TBC1D15: variants seen among roughly 807,000 people sequenced by gnomAD.
TBC1D15 encodes TBC1 domain family member 15.
TBC1D15 carries 39 observed loss-of-function variants against 95.4 expected under a neutral mutation model. That is an observed-to-expected ratio of 0.41 (90% CI 0.32 to 0.53). The LOEUF (loss-of-function observed/expected upper bound fraction) is 0.53, where lower values mean the gene tolerates loss of function less well. Ranked by LOEUF, TBC1D15 falls within the 20% of genes least tolerant of loss-of-function variation. TBC1D15 has a pLI of 0.29. For missense variants in TBC1D15, 733 were observed against 794.3 expected (o/e 0.92, Z 0.93); for synonymous variants, 258 against 261.3 (o/e 0.99, Z 0.12).
chr12:71,913,316 A>G (rs1471897578), intron 11 of TBC1D15: 1 of 152,332 alleles, frequency 6.6e-6, no homozygotes, highest in East Asian at 1.9e-4. Context: ...GTTGAACCCA[A>G]AGTTCTTGTT....
intron 13 of TBC1D15, 73 bp downstream of exon 13, chr12:71,917,870 T>A (rs1013076144): frequency 2.1e-4 from 217 of 1,033,802 alleles, no homozygotes; most frequent in Admixed American, 3.7e-4. Flanking sequence ...AAAGAACTCT[T>A]TAAAGAAGCC....
chr12:71,859,984 A>G (rs972059946), intron 1 of TBC1D15, among the ~76,000 whole-genome samples: 2 of 152,128 alleles, frequency 1.3e-5, no homozygotes, highest in Non-Finnish European at 2.9e-5. Flanking sequence ...CTGCATATAC[A>G]TACCTAGTTT....
chr12:71,894,336 A>G (rs757029860), intron 6 of TBC1D15: 1 of 1,612,912 alleles, frequency 6.2e-7, no homozygotes, highest in Non-Finnish European at 8.5e-7. Context: ...CAGGACTGCT[A>G]GACAGAAGAA....
intron 4 of TBC1D15, among the ~76,000 whole-genome samples, chr12:71,882,150 G>A (rs10506642): frequency 6.7e-6 from 1 of 150,036 alleles, no homozygotes; most frequent in South Asian, 2.1e-4. Flanking sequence ...TTTCTTTTTT[G>A]TGTGAGGCAC....
chr12:71,885,835 A>G (rs1049833351), intron 5 of TBC1D15, among the ~76,000 whole-genome samples: 6 of 152,300 alleles, frequency 3.9e-5, no homozygotes, highest in African/African-American at 1.4e-4. Context: ...GGAAGGAGAT[A>G]CTTAGAGGGA....
intron 1 of TBC1D15, among the ~76,000 whole-genome samples, chr12:71,859,792 G>A (rs1889986264): frequency 1.3e-5 from 2 of 152,040 alleles, no homozygotes; most frequent in Non-Finnish European, 2.9e-5. Context: ...TGTATTTTTA[G>A]TAGAGATGGG....
chr12:71,840,330 C>G (rs780978563), intron 1 of TBC1D15, among the ~76,000 whole-genome samples: 19 of 152,178 alleles, frequency 1.2e-4, no homozygotes, highest in Non-Finnish European at 2.5e-4. Flanking sequence ...TTTTACCAAG[C>G]TGCTGAGTTG....
At chr12:71,908,286 A>G (rs1004339194) in intron 11 of TBC1D15, among the ~76,000 whole-genome samples, 1 of 152,222 alleles carries the variant, frequency 6.6e-6, no homozygotes, top group African/African-American at 2.4e-5. Context: ...AGAACTTAAG[A>G]TATTTATTTA....
intron 1 of TBC1D15, among the ~76,000 whole-genome samples, chr12:71,866,957 C>T (rs564800911): frequency 1.3e-5 from 2 of 152,192 alleles, no homozygotes; most frequent in South Asian, 2.1e-4. Flanking sequence ...AACACATGTG[C>T]TTAGACATTA....
At chr12:71,922,925 T>C (rs1869987524) in intron 16 of TBC1D15, 58 bp from the exon 17 acceptor site, 1 of 1,499,410 alleles carries the variant, frequency 6.7e-7, no homozygotes, top group Admixed American at 1.7e-5. Context: ...AGTGTTACTT[T>C]GTGGTTATTT....
chr12:71,847,094 A>G (rs1296758983), intron 1 of TBC1D15, among the ~76,000 whole-genome samples: 1 of 152,058 alleles, frequency 6.6e-6, no homozygotes, highest in Non-Finnish European at 1.5e-5. Flanking sequence ...GATATGATAG[A>G]CCACATGTAT....
intron 1 of TBC1D15, among the ~76,000 whole-genome samples, chr12:71,857,106 A>AAT (rs1889265831): frequency 3.3e-5 from 5 of 150,708 alleles, no homozygotes; most frequent in African/African-American, 1.2e-4. Flanking sequence ...TTTTAAATTT[A>AAT]TTATTTTTTT....
chr12:71,846,311 C>G (rs1157109330), intron 1 of TBC1D15, among the ~76,000 whole-genome samples: 1 of 152,156 alleles, frequency 6.6e-6, no homozygotes, highest in African/African-American at 2.4e-5. Context: ...TAAATAAGAG[C>G]CTGGAGGGCA....
intron 12 of TBC1D15, 32 bp from the exon 13 acceptor site, chr12:71,917,666 A>G (rs748391804): frequency 7.2e-6 from 10 of 1,392,430 alleles, no homozygotes; most frequent in Non-Finnish European, 1.0e-5. Context: ...TATTTATTAA[A>G]TATTACTTGT....
chr12:71,907,183 A>G, intron 11 of TBC1D15, 45 bp downstream of exon 11: 2 of 1,193,624 alleles, frequency 1.7e-6, no homozygotes, highest in East Asian at 5.1e-5. Flanking sequence ...AAATATATTT[A>G]CTTTAGAGTT....
chr12:71,889,844 A>G (rs1222543851), intron 5 of TBC1D15, among the ~76,000 whole-genome samples: 1 of 151,886 alleles, frequency 6.6e-6, no homozygotes, highest in Non-Finnish European at 1.5e-5. Context: ...CTTTGTGTCC[A>G]TGTGTTGTTT....
chr12:71,922,364 C>A (rs959910992), intron 16 of TBC1D15, among the ~76,000 whole-genome samples: 1 of 151,638 alleles, frequency 6.6e-6, no homozygotes. Flanking sequence ...GGATTACAGG[C>A]GTGACCCATC....
At chr12:71,890,085 T>C (rs1435793841) in intron 5 of TBC1D15, among the ~76,000 whole-genome samples, 86 of 152,338 alleles carry the variant, frequency 5.6e-4, no homozygotes, top group African/African-American at 1.9e-3. Context: ...CTATTGTGAA[T>C]TACAGAATTC....
intron 3 of TBC1D15, among the ~76,000 whole-genome samples, chr12:71,873,376 T>A (rs1222347565): frequency 6.6e-6 from 1 of 152,230 alleles, no homozygotes; most frequent in Non-Finnish European, 1.5e-5. Context: ...GGTTCATCTG[T>A]GTTACATAGC....
Sources: allele counts gnomAD v4.1 joint callset (sites outside exome capture counted in the v4.1 genomes callset), GRCh38; gene constraint gnomAD v4.1.1; transcripts MANE v1.5; gene names NCBI Gene and HGNC (gene_info 2026-07-23, HGNC 2026-07-21).